RAP1GAP2: variants seen among roughly 807,000 people sequenced by gnomAD.
The protein encoded by RAP1GAP2 is rap1 GTPase-activating protein 2.
A neutral mutation model predicts 95.0 loss-of-function variants in RAP1GAP2; 27 were observed. The ratio of observed to expected loss-of-function variants is 0.28; its 90% CI spans 0.21 to 0.39. RAP1GAP2 has a LOEUF of 0.39. Among genes scored for constraint, RAP1GAP2 ranks in the 10% least tolerant of loss-of-function variants. The pLI is 1.00. For missense variants in RAP1GAP2, 771 were observed against 970.0 expected, an observed-to-expected ratio of 0.79 and a Z score of 2.72; for synonymous variants, 373 against 380.9, an observed-to-expected ratio of 0.98 and a Z score of 0.24.
rs917543426 is a variant in RAP1GAP2 at position 3,034,910 on chromosome 17, A to G, written c.*1549A>G. ...GGCACCTGCCCCACGACCAATGACA[A>G]GGATTTCCAGCTGAATGCTTTATTC... On this transcript the variant is annotated 3_prime_UTR_variant, in exon 25 of 25. Coordinates refer to ENST00000254695, the MANE Select transcript of RAP1GAP2 (RefSeq NM_015085.5). This position sits in a 1 kb window ranked among gnomAD's most constrained non-coding sequence, Gnocchi z 5.1. 2.6e-5 allele frequency: 4 copies of G among 152,068 alleles called. No homozygotes were observed. Among genetic ancestry groups the G allele is most frequent in the African/African-American group, 9.7e-5 (4 of 41,366 alleles). The allele number at this position is 152,068 out of a possible 1,614,324, so 9.4% of individuals were successfully genotyped here. A position where few individuals can be genotyped will look rare whatever the true frequency, so the allele number is the denominator to read the frequency against.
chr17:2,898,207 C>A (rs370268981), intron 2 of RAP1GAP2, among the ~76,000 whole-genome samples: 1 of 152,160 alleles, frequency 6.6e-6, no homozygotes, highest in South Asian at 2.1e-4. Context: ...CCACCTCACC[C>A]GGCCAACGGG....
rs1213357526 is a variant in RAP1GAP2 at position 3,020,554 on chromosome 17, G to A, written c.1710G>A (p.Leu570=). The A allele has an allele frequency of 1.2e-6, 2 of 1,613,920 alleles. No homozygotes were observed. The highest frequency in any genetic ancestry group is 2.2e-5 in the East Asian group (1 of 44,874). ...IKRRSGLFPR[L]HTGSEGQGDS... ...GACGCTCGGGGCTCTTCCCCCGCCT[G>A]CACACGGGCTCAGAAGGCCAGGGCG... The change falls in exon 19 of 25, where the codon CTG becomes CTA. Residue 570 remains leucine (L), a synonymous_variant. Transcript: ENST00000254695.
At chr17:2,980,162 C>T (rs899803447) in intron 8 of RAP1GAP2, 125 bp from the exon 9 acceptor site, 6 of 798,174 alleles carry the variant, frequency 7.5e-6, no homozygotes, top group Admixed American at 4.2e-5. Flanking sequence ...AGGCTGGTCT[C>T]GAACTCCTGA....
In RAP1GAP2 at chr17:2,957,663, C is replaced by G. The variant is rs182657434; in HGVS notation, c.166-96C>G. On this transcript the variant is annotated intron_variant, in intron 3 of 24. Transcript: ENST00000254695. Reference sequence around the variant, plus strand: ...ATGAATTTTGTCCCTGGGGAAGCCCCAGGCTCAGCTTCCTGATAGTTGGTG... The same window carrying G: ...ATGAATTTTGTCCCTGGGGAAGCCCGAGGCTCAGCTTCCTGATAGTTGGTG... The G allele has an allele frequency of 2.4e-4, 328 of 1,370,806 alleles. 1 individual carries two copies. In the African/African-American group the frequency reaches 3.6e-3, roughly 15 times the overall value. The allele number at this position is 1,370,806 out of a possible 1,614,324, so 84.9% of individuals were successfully genotyped here. A position where few individuals can be genotyped will look rare whatever the true frequency, so the allele number is the denominator to read the frequency against.
intron 1 of RAP1GAP2, among the ~76,000 whole-genome samples, chr17:2,790,654 C>G (rs574989487): frequency 6.6e-6 from 1 of 152,330 alleles, no homozygotes; most frequent in Non-Finnish European, 1.5e-5. Flanking sequence ...CTGCTTCACT[C>G]GGGACATCTG....
At chr17:2,820,918 A>C (rs1269500149) in intron 2 of RAP1GAP2, among the ~76,000 whole-genome samples, 1 of 68,126 alleles carries the variant, frequency 1.5e-5, no homozygotes, top group African/African-American at 5.5e-5. Flanking sequence ...TTGTATTTTT[A>C]GTAGAGATAG....
chr17:2,984,889 T>G, intron 10 of RAP1GAP2, 94 bp from the exon 11 acceptor site: 1 of 1,558,680 alleles, frequency 6.4e-7, no homozygotes, highest in Non-Finnish European at 8.7e-7. Flanking sequence ...GAACACATTC[T>G]CTCCCCAAAT....
chr17:2,756,229 G>A (rs1194397419), intron 1 of RAP1GAP2, among the ~76,000 whole-genome samples: 3 of 152,240 alleles, frequency 2.0e-5, no homozygotes, highest in Non-Finnish European at 1.5e-5. Context: ...GGAAAGGGGT[G>A]CTTTAGCCCC....
chr17:2,798,590 G>A (rs552127856), intron 1 of RAP1GAP2, among the ~76,000 whole-genome samples: 10 of 139,068 alleles, frequency 7.2e-5, no homozygotes, highest in African/African-American at 1.1e-4. Context: ...TGTTTTCCAA[G>A]CTCCATTGGA....
chr17:2,964,295 G>A (rs1484388493), intron 7 of RAP1GAP2: 1 of 95,500 alleles, frequency 1.0e-5, no homozygotes, highest in African/African-American at 4.2e-5. Flanking sequence ...AGCTGCGGGG[G>A]GTGGGGGTGA....
At chr17:2,772,677 T>TG (rs1235105695), upstream of RAP1GAP2, among the ~76,000 whole-genome samples, 2 of 152,076 alleles carry the variant, frequency 1.3e-5, no homozygotes, top group Non-Finnish European at 2.9e-5. Context: ...AGCAATGCTA[T>TG]GATCTAGGTA....
At chr17:2,795,124 C>G (rs1339217796), upstream of RAP1GAP2, among the ~76,000 whole-genome samples, 4 of 151,700 alleles carry the variant, frequency 2.6e-5, no homozygotes, top group East Asian at 7.7e-4. Context: ...GTGATCCACC[C>G]GCGTTGGCCT....
chr17:2,996,594 A>T (rs2045967353), intron 13 of RAP1GAP2, among the ~76,000 whole-genome samples: 1 of 152,096 alleles, frequency 6.6e-6, no homozygotes, highest in Non-Finnish European at 1.5e-5. Context: ...GTGGGTTTTC[A>T]TTCAACCTTT....
chr17:2,860,180 C>G (rs2072318833), intron 2 of RAP1GAP2, among the ~76,000 whole-genome samples: 1 of 152,116 alleles, frequency 6.6e-6, no homozygotes. Flanking sequence ...AGGAGCCGAT[C>G]CACTCCCTGG....
chr17:2,948,159 G>A (rs780554542), intron 3 of RAP1GAP2, among the ~76,000 whole-genome samples: 3 of 152,190 alleles, frequency 2.0e-5, no homozygotes, highest in Non-Finnish European at 2.9e-5. Context: ...GTGAGTTAGC[G>A]GTCATGTTTT....
At chr17:2,838,088 G>A (rs1364112330) in intron 2 of RAP1GAP2, among the ~76,000 whole-genome samples, 12 of 128,204 alleles carry the variant, frequency 9.4e-5, no homozygotes, top group African/African-American at 3.4e-4. Context: ...GTGCGATCTC[G>A]GCTCACTGCA....
rs2070603917 is a variant in RAP1GAP2 at position 2,827,143 on chromosome 17, G to A, written c.80+26593G>A. 2.0e-5 allele frequency among the ~76,000 whole-genome samples: 3 copies of A among 152,226 alleles called. No individual in the cohort carries two copies. Among genetic ancestry groups the A allele is most frequent in the African/African-American group, 7.2e-5 (3 of 41,468 alleles). ...GGCAGGAGGGAAGCCTAGTAGCAGAGAAGATGATGCCTTCGGCCTTGAGTG... is the reference window on the plus strand; with the variant it reads ...GGCAGGAGGGAAGCCTAGTAGCAGAAAAGATGATGCCTTCGGCCTTGAGTG... On this transcript the variant is annotated intron_variant, in intron 2 of 24. Coordinates refer to ENST00000254695, the MANE Select transcript of RAP1GAP2 (RefSeq NM_015085.5). The surrounding 1 kb of genome is among the most constrained non-coding windows in gnomAD (Gnocchi z 4.1).
chr17:2,791,370 G>C (rs910288158), intron 1 of RAP1GAP2, among the ~76,000 whole-genome samples: 1 of 152,098 alleles, frequency 6.6e-6, no homozygotes, highest in Non-Finnish European at 1.5e-5. Context: ...TTGAGCCTGA[G>C]AGAGAAGGAG....
intron 17 of RAP1GAP2, among the ~76,000 whole-genome samples, chr17:3,011,864 T>C (rs1266442959): frequency 6.6e-6 from 1 of 151,978 alleles, no homozygotes; most frequent in African/African-American, 2.4e-5. Context: ...TCCGCCCATC[T>C]TGGCCTCCCA....
Sources: allele counts gnomAD v4.1 joint callset (sites outside exome capture counted in the v4.1 genomes callset), GRCh38; gene constraint gnomAD v4.1.1; non-coding constraint Gnocchi (gnomAD v3.1); transcripts MANE v1.5; gene names NCBI Gene and HGNC (gene_info 2026-07-23, HGNC 2026-07-21).